The following FUZ variants were observed in gnomAD, a reference collection of about 807,000 sequenced individuals.
FUZ encodes the protein protein fuzzy homolog.
A neutral mutation model predicts 43.1 loss-of-function variants in FUZ; 31 were observed. The ratio of observed to expected loss-of-function variants is 0.72; its 90% CI spans 0.54 to 0.97. The LOEUF (loss-of-function observed/expected upper bound fraction) is 0.97, where lower values mean the gene tolerates loss of function less well. Ranked by LOEUF, FUZ falls within the 50% of genes least tolerant of loss-of-function variation. The pLI, the probability that FUZ is intolerant of heterozygous loss-of-function variation, is 0.00. For missense variants in FUZ, 539 were observed against 543.8 expected (o/e 0.99, Z 0.09); for synonymous variants, 274 against 250.0 (o/e 1.10, Z -0.91).
Position 49,811,400 on chromosome 19 carries a change from A to G in FUZ, c.455T>C (p.Val152Ala), listed in dbSNP as rs765618793. Residue 152 changes from valine to alanine, a missense_variant, in exon 5 of 11, where the codon GTG becomes GCG. Physicochemically the swap from Val to Ala is moderately conservative, Grantham distance 64. Coordinates refer to ENST00000313777, the MANE Select transcript of FUZ (RefSeq NM_025129.5). ...CCCCTCTGGAGGAATCACGCAGTCCACACACTGGGTCAGGTCCCCGATGAG... is the reference window on the plus strand; with the variant it reads ...CCCCTCTGGAGGAATCACGCAGTCCGCACACTGGGTCAGGTCCCCGATGAG... ...SELIGDLTQCVDCVIPPEGSL... is the reference protein window; with the variant it reads ...SELIGDLTQCADCVIPPEGSL... The G allele has an allele frequency of 1.4e-5, 23 of 1,613,170 alleles. No homozygotes were observed. Among genetic ancestry groups the G allele is most frequent in the Non-Finnish European group, 1.9e-5 (23 of 1,179,588 alleles).
At chr19:49,810,532 G>A (rs1162171060) in intron 5 of FUZ, among the ~76,000 whole-genome samples, 2 of 151,770 alleles carry the variant, frequency 1.3e-5, no homozygotes, top group Non-Finnish European at 2.9e-5. Flanking sequence ...AAATTAGCTG[G>A]GCCAGGCGTG....
intron 5 of FUZ, among the ~76,000 whole-genome samples, chr19:49,810,224 G>A (rs184156511): frequency 3.0e-4 from 45 of 152,230 alleles, no homozygotes; most frequent in Middle Eastern, 3.4e-3. Context: ...ATATAGTAGG[G>A]TTCTTCTGGT....
intron 10 of FUZ, among the ~76,000 whole-genome samples, chr19:49,807,600 T>C (rs571537997): frequency 1.3e-5 from 2 of 152,250 alleles, no homozygotes; most frequent in East Asian, 3.9e-4. Context: ...TTGGCCCCCA[T>C]TTTCCTGGAG....
intron 3 of FUZ, 148 bp downstream of exon 3, chr19:49,812,103 G>A (rs1303249970): frequency 9.7e-6 from 7 of 719,240 alleles, no homozygotes; most frequent in East Asian, 2.7e-5. Context: ...GCGAGACTCC[G>A]TCTCAAAACA....
chr19:49,807,375 C>G lies in FUZ; in HGVS notation c.1034-1G>C. 1 of 1,611,004 alleles carries G rather than the reference C, an allele frequency of 6.2e-7. No individual in the cohort carries two copies. The highest frequency in any genetic ancestry group is 8.5e-7 in the Non-Finnish European group (1 of 1,178,848). ...TCTGTCTTCTCTGGTGGCCCTGGCT[C>G]TGGAGAAAGAACAGGGGGCACTGAC... On this transcript the variant is annotated splice_acceptor_variant, in intron 10 of 10. Coordinates refer to ENST00000313777, the MANE Select transcript of FUZ (RefSeq NM_025129.5). LOFTEE classifies it high-confidence loss of function.
Position 49,812,987 on chromosome 19 carries a change from A to G in FUZ, c.111+9T>C. On this transcript the variant is annotated intron_variant, in intron 1 of 10. Coordinates refer to ENST00000313777, the MANE Select transcript of FUZ (RefSeq NM_025129.5). ...CCTTCGGTTTAGATACAGGCGTCCAAGGCCCCACCTGCTGACGGGCGGGGG... is the reference window on the plus strand; with the variant it reads ...CCTTCGGTTTAGATACAGGCGTCCAGGGCCCCACCTGCTGACGGGCGGGGG... 6.5e-7 allele frequency: 1 copy of G among 1,549,158 alleles called. No homozygotes were observed.
chr19:49,807,954 A>G (rs995316039), intron 10 of FUZ, among the ~76,000 whole-genome samples: 1 of 152,184 alleles, frequency 6.6e-6, no homozygotes, highest in Non-Finnish European at 1.5e-5. Flanking sequence ...CCCTCAGCCT[A>G]TCAGCAAAGC....
chr19:49,808,199 T>C (rs1287995257), intron 10 of FUZ: 1 of 629,168 alleles, frequency 1.6e-6, no homozygotes, highest in African/African-American at 1.8e-5. Context: ...TATTGTTGAC[T>C]ATGATCCAGG....
rs533022469 is a variant in FUZ at position 49,812,540 on chromosome 19, G to A, written c.233+75C>T. ...ATTAACAGCTGCTTTTAGAGAGCTG[G>A]AAGGCCTCCGGGGTCATCTTCAACA... On this transcript the variant is annotated intron_variant, in intron 2 of 10. Coordinates refer to ENST00000313777, the MANE Select transcript of FUZ (RefSeq NM_025129.5). 3.5e-5 allele frequency: 56 copies of A among 1,598,102 alleles called. 1 individual carries two copies. The African/African-American group carries it at 7.1e-4, about 20-fold the overall frequency.
At chr19:49,811,872 C>T (rs1600294316) in intron 3 of FUZ, among the ~76,000 whole-genome samples, 173 bp from the exon 4 acceptor site, 3 of 152,182 alleles carry the variant, frequency 2.0e-5, no homozygotes, top group Admixed American at 2.0e-4. Context: ...CTTTGGGAGG[C>T]CAAGGTGGGT....
In FUZ at chr19:49,811,358, A is replaced by C; in HGVS notation, c.492+5T>G. The C allele has an allele frequency of 6.3e-7, 1 of 1,589,072 alleles. No individual in the cohort carries two copies. On this transcript the variant is annotated splice_donor_5th_base_variant and intron_variant, in intron 5 of 10. Coordinates refer to ENST00000313777, the MANE Select transcript of FUZ (RefSeq NM_025129.5). ...GTGTAAGAGTTTCCATAGCATCCCC[A>C]GTACCTGCAAGAGGGACCCCTCTGG...
At position 49,808,770 on chromosome 19, in the gene FUZ, C is replaced by A; in HGVS notation, c.840G>T (p.Pro280=). The part of the protein sequence containing the change: ...PLLDPLRACL[P]LGPRALPSGF... The stretch of plus-strand genomic sequence containing the variant: ...CACTGGGCAGCGCCCGGGGTCCCAA[C>A]GGCAGACAGGCCCGCAACGGGTCCA... The change falls in exon 8 of 11, where the codon CCG becomes CCT. Residue 280 remains proline (P), a synonymous_variant. Coordinates refer to ENST00000313777, the MANE Select transcript of FUZ (RefSeq NM_025129.5). The A allele has an allele frequency of 6.4e-7, 1 of 1,570,202 alleles. No individual in the cohort carries two copies. The highest frequency in any genetic ancestry group is 8.6e-7 in the Non-Finnish European group (1 of 1,157,522).
chr19:49,807,037 C>CCCGGGTT lies in FUZ; in HGVS notation c.*113_*114insAACCCGG. On this transcript the variant is annotated 3_prime_UTR_variant, in exon 11 of 11. Transcript: ENST00000313777. The stretch of plus-strand genomic sequence containing the variant: ...ATGTCTCCTCCCCTCCCACCCCACC[C>CCCGGGTT]TGTTGTAGCCCCTCCTACCCCCTCC... The CCCGGGTT allele has an allele frequency of 6.5e-7, 1 of 1,529,594 alleles. No homozygotes were observed. Among genetic ancestry groups the CCCGGGTT allele is most frequent in the Non-Finnish European group, 8.8e-7 (1 of 1,140,512 alleles). The allele number at this position is 1,529,594 out of a possible 1,614,324, so 94.8% of individuals were successfully genotyped here.
chr19:49,808,286 A>G, intron 10 of FUZ, 128 bp downstream of exon 10: 1 of 953,930 alleles, frequency 1.0e-6, no homozygotes, highest in Non-Finnish European at 1.6e-6. Context: ...AAGGAAAACC[A>G]CTGCCCTATG....
At position 49,808,556 on chromosome 19, in the gene FUZ, G is replaced by T. The variant is rs759612888; in HGVS notation, c.958+18C>A. On this transcript the variant is annotated intron_variant, in intron 9 of 10. Coordinates refer to ENST00000313777, the MANE Select transcript of FUZ (RefSeq NM_025129.5). ...CCACGCCCCTCCTACCCCTGCCCCT[G>T]CCCCTGTCCTCAGTCACCTTTATCC... 1.2e-6 allele frequency: 2 copies of T among 1,600,734 alleles called. No homozygotes were observed. Among genetic ancestry groups the T allele is most frequent in the Non-Finnish European group, 1.7e-6 (2 of 1,173,872 alleles).
rs1467778724 is a variant in FUZ, at chr19:49,809,186, G to A, written c.763C>T (p.Pro255Ser). 3.2e-6 allele frequency: 5 copies of A among 1,551,820 alleles called. No homozygotes were observed. Among genetic ancestry groups the A allele is most frequent in the Non-Finnish European group, 4.4e-6 (5 of 1,147,202 alleles). The change falls in exon 7 of 11, where the codon CCC (proline) becomes TCC (serine). Residue 255 changes from proline (P) to serine (S), a missense_variant. By Grantham distance (74) the Pro-to-Ser change is moderately conservative (BLOSUM62 -1). Transcript: ENST00000313777. This position sits in a 1 kb window ranked among gnomAD's most constrained non-coding sequence, Gnocchi z 5.1. ...ACCTGTGGATACAACTGGCTGAGGG[G>A]TGGGCTCGGCCCGCAGAGTAGACAC... is the stretch of plus-strand genomic sequence containing the variant. ...ELCLLCGPSP[P>S]LSQLYPQLLE...
In FUZ at chr19:49,809,378, C is replaced by T. The variant is rs1418558957; in HGVS notation, c.690G>A (p.Thr230=). 1.9e-6 allele frequency: 3 copies of T among 1,544,556 alleles called. No homozygotes were observed. The highest frequency in any genetic ancestry group is 2.4e-5 in the East Asian group (1 of 40,906). ...YPVYLPHGSP[T]VPHRLLTLTL... ...CCGTCGGTGCCCGCCACCCACTCACCGTGGGGCTCCCGTGCGGCAGGTACA... is the reference window on the plus strand; with the variant it reads ...CCGTCGGTGCCCGCCACCCACTCACTGTGGGGCTCCCGTGCGGCAGGTACA... Residue 230 remains threonine (T), a splice_region_variant and synonymous_variant, in exon 6 of 11, where the codon ACG becomes ACA. Coordinates refer to ENST00000313777, the MANE Select transcript of FUZ (RefSeq NM_025129.5). The surrounding 1 kb of genome is among the most constrained non-coding windows in gnomAD (Gnocchi z 5.1).
rs903125223 is a variant in FUZ at position 49,813,005 on chromosome 19, G to A, written c.102C>T (p.Ala34=). The change falls in exon 1 of 11, where the codon GCC becomes GCT. Residue 34 remains alanine (A), a synonymous_variant. Coordinates refer to ENST00000313777, the MANE Select transcript of FUZ (RefSeq NM_025129.5). ...GCGTCCAAGGCCCCACCTGCTGACG[G>A]GCGGGGGCGCCGCCGCGACTGCTCC... The part of the protein sequence containing the change: ...FCRSSRGGAP[A]RQQLPFSVIG... 1.3e-6 allele frequency: 2 copies of A among 1,550,904 alleles called. No individual in the cohort carries two copies. Among genetic ancestry groups the A allele is most frequent in the Non-Finnish European group, 1.7e-6 (2 of 1,146,866 alleles).
At chr19:49,808,985 T>A in intron 7 of FUZ, 162 bp from the exon 8 acceptor site, 2 of 868,346 alleles carry the variant, frequency 2.3e-6, no homozygotes, top group Non-Finnish European at 3.7e-6. Context: ...GGGCGAGGCC[T>A]GGAAGAATAG....
Sources: gnomAD v4.1 joint callset for allele counts (sites outside exome capture counted in the v4.1 genomes callset) on GRCh38, gnomAD v4.1.1 for gene constraint, Gnocchi (gnomAD v3.1) non-coding constraint, MANE v1.5 for transcripts, NCBI Gene and HGNC (gene_info 2026-07-23, HGNC 2026-07-21) for gene names.